COL22A1: variants seen among roughly 807,000 people sequenced by gnomAD.
The protein encoded by COL22A1 is collagen alpha-1(XXII) chain.
A neutral mutation model predicts 248.9 loss-of-function variants in COL22A1; 221 were observed. The ratio of observed to expected loss-of-function variants is 0.89; its 90% confidence interval spans 0.80 to 0.99. The LOEUF is 0.99. Among genes scored for constraint, COL22A1 ranks in the 50% least tolerant of loss-of-function variants. The pLI is 0.00. For synonymous variants in COL22A1, 891 were observed against 793.4 expected (o/e 1.12, Z -2.07); for missense variants, 2,240 against 2,179.0 (o/e 1.03, Z -0.56).
chr8:138,809,674 C>A (rs1818042551), intron 9 of COL22A1, among the ~76,000 whole-genome samples: 5 of 152,002 alleles, frequency 3.3e-5, no homozygotes. Context: ...GCACACACCA[C>A]CACGCCTGGC....
At chr8:138,822,920 C>A (rs1164158121) in intron 6 of COL22A1, among the ~76,000 whole-genome samples, 1 of 152,216 alleles carries the variant, frequency 6.6e-6, no homozygotes, top group Non-Finnish European at 1.5e-5. Flanking sequence ...CCTCCTGTGG[C>A]TGATCCTGGC....
chr8:138,754,330 G>A (rs1832829406), intron 21 of COL22A1, among the ~76,000 whole-genome samples: 1 of 152,094 alleles, frequency 6.6e-6, no homozygotes, highest in Non-Finnish European at 1.5e-5. Context: ...TAGATTTTCT[G>A]ATCCAAAATC....
intron 5 of COL22A1, among the ~76,000 whole-genome samples, chr8:138,830,711 C>T (rs1376258790): frequency 1.3e-5 from 2 of 152,186 alleles, no homozygotes; most frequent in Non-Finnish European, 2.9e-5. Flanking sequence ...TTAGACCCTT[C>T]CACTAGATTT....
chr8:138,854,875 G>A (rs990744020), intron 3 of COL22A1, among the ~76,000 whole-genome samples: 17 of 151,874 alleles, frequency 1.1e-4, no homozygotes, highest in Non-Finnish European at 2.1e-4. Context: ...TGCTGATGGC[G>A]ACAGTGGTAG....
chr8:138,693,799 C>T, intron 34 of COL22A1, 100 bp from the exon 35 acceptor site: 1 of 1,297,504 alleles, frequency 7.7e-7, no homozygotes, highest in Non-Finnish European at 1.1e-6. Context: ...TCATCAGAAG[C>T]ATTATTCCAA....
intron 47 of COL22A1, among the ~76,000 whole-genome samples, chr8:138,640,111 T>G (rs1821539856): frequency 6.6e-6 from 1 of 152,240 alleles, no homozygotes; most frequent in Non-Finnish European, 1.5e-5. Flanking sequence ...TTGCAATCTC[T>G]TAGCATATTG....
At chr8:138,755,978 T>C in intron 18 of COL22A1, 149 bp from the exon 19 acceptor site, 2 of 670,274 alleles carry the variant, frequency 3.0e-6, no homozygotes, top group South Asian at 1.8e-5. Context: ...CCGAGCCTGC[T>C]GTCTTCTGAA....
At chr8:138,891,504 G>T (rs1041252393) in intron 1 of COL22A1, among the ~76,000 whole-genome samples, 1 of 152,334 alleles carries the variant, frequency 6.6e-6, no homozygotes, top group Admixed American at 6.5e-5. Context: ...CATAAGTGCA[G>T]TAGCCACTTT....
At chr8:138,813,077 TC>T in intron 7 of COL22A1, 58 bp from the exon 8 acceptor site, 1 of 1,370,718 alleles carries the variant, frequency 7.3e-7, no homozygotes, top group Non-Finnish European at 1.0e-6. Flanking sequence ...CCCAGAAACC[TC>T]CGTGGTTTCA....
At chr8:138,673,918 C>T (rs746199565) in intron 41 of COL22A1, among the ~76,000 whole-genome samples, 2 of 152,130 alleles carry the variant, frequency 1.3e-5, no homozygotes, top group Non-Finnish European at 2.9e-5. Flanking sequence ...GGAGGTGGTA[C>T]AGAAACTCCC....
At position 138,875,711 on chromosome 8, in the gene COL22A1, C is replaced by T. The variant is rs144400421; in HGVS notation, c.658+2039G>A. Among the ~76,000 whole-genome samples, 1,232 of 152,246 alleles carry T rather than the reference C, an allele frequency of 8.1e-3. 11 individuals are homozygous for T. The highest frequency in any genetic ancestry group is 0.013 in the Non-Finnish European group (882 of 67,998). Reference sequence around the variant, plus strand: ...CTCCTCTTTCCCCACCTAACCCATCCCCTCTCAGGCCTACAACTGAGGGCC... The same window carrying T: ...CTCCTCTTTCCCCACCTAACCCATCTCCTCTCAGGCCTACAACTGAGGGCC... On this transcript the variant is annotated intron_variant, in intron 3 of 64. Coordinates refer to ENST00000303045, the MANE Select transcript of COL22A1 (RefSeq NM_152888.3).
intron 1 of COL22A1, among the ~76,000 whole-genome samples, chr8:138,889,596 GA>G (rs1199262121): frequency 2.6e-5 from 4 of 152,160 alleles, no homozygotes; most frequent in Non-Finnish European, 4.4e-5. Flanking sequence ...ATAGCATTAG[GA>G]GATATACCTA....
Position 138,808,463 on chromosome 8 carries a change from G to A in COL22A1, c.1450-651C>T, listed in dbSNP as rs901022315. Among the ~76,000 whole-genome samples the A allele has an allele frequency of 7.4e-4, 112 of 152,190 alleles. 1 individual carries two copies. The highest frequency in any genetic ancestry group is 2.7e-3 in the African/African-American group (111 of 41,508). On this transcript the variant is annotated intron_variant, in intron 9 of 64. Transcript: ENST00000303045. ...AAAGAAAATTATGTTGACTGCTAGC[G>A]GTTCATGTAGTTATTGTTCACTAAA...
At chr8:138,672,856 T>G (rs960283812) in intron 41 of COL22A1, among the ~76,000 whole-genome samples, 5 of 152,218 alleles carry the variant, frequency 3.3e-5, no homozygotes, top group Admixed American at 3.3e-4. Context: ...CTGGGTTACA[T>G]GTGGGACCTT....
At chr8:138,790,762 G>C (rs1031185656) in intron 12 of COL22A1, among the ~76,000 whole-genome samples, 1 of 152,216 alleles carries the variant, frequency 6.6e-6, no homozygotes, top group Non-Finnish European at 1.5e-5. Flanking sequence ...CCCACCCAAT[G>C]AGAAGCACGA....
chr8:138,819,668 A>G (rs1445543197), intron 7 of COL22A1, among the ~76,000 whole-genome samples: 1 of 148,242 alleles, frequency 6.7e-6, no homozygotes, highest in Non-Finnish European at 1.5e-5. Context: ...AACATTATCT[A>G]TATAATTTAT....
At chr8:138,865,186 T>C (rs1448668430) in intron 3 of COL22A1, among the ~76,000 whole-genome samples, 1 of 152,210 alleles carries the variant, frequency 6.6e-6, no homozygotes, top group Non-Finnish European at 1.5e-5. Flanking sequence ...ACAGAGTTTT[T>C]TTTTTCTGGG....
intron 41 of COL22A1, 80 bp downstream of exon 41, chr8:138,676,478 G>GAAAGGAAGGAAGAAAGAAAGAAAGA: frequency 8.8e-5 from 35 of 397,774 alleles, no homozygotes; most frequent in South Asian, 5.6e-4. Context: ...AGAAAGAAAA[G>GAAAGGAAGGAAGAAAGAAAGAAAGA]AGTGTTTCTG....
intron 22 of COL22A1, among the ~76,000 whole-genome samples, chr8:138,750,347 A>G (rs1487816228): frequency 6.6e-6 from 1 of 152,200 alleles, no homozygotes; most frequent in East Asian, 1.9e-4. Flanking sequence ...TTGAGAATTC[A>G]AAAGGGTTAT....
Sources: allele counts gnomAD v4.1 joint callset (sites outside exome capture counted in the v4.1 genomes callset), GRCh38; gene constraint gnomAD v4.1.1; transcripts MANE v1.5; gene names NCBI Gene and HGNC (gene_info 2026-07-23, HGNC 2026-07-21).